ZNF746: variants seen among roughly 807,000 people sequenced by gnomAD.
The protein encoded by ZNF746 is zinc finger protein 746.
In ZNF746, 13 loss-of-function variants were observed where a neutral mutation model predicts 41.0. The ratio of observed to expected loss-of-function variants is 0.32; its 90% CI spans 0.21 to 0.50. The LOEUF is 0.50. Ranked by LOEUF, ZNF746 falls within the 20% of genes least tolerant of loss-of-function variation. The pLI is 0.98. For synonymous variants in ZNF746, 424 were observed against 396.2 expected, an observed-to-expected ratio of 1.07 and a Z score of -0.83; for missense variants, 811 against 922.9, an observed-to-expected ratio of 0.88 and a Z score of 1.57.
rs1327495824 is a variant in ZNF746, at chr7:149,482,749, G to A, written c.566-4994C>T. 2.0e-5 allele frequency among the ~76,000 whole-genome samples: 3 copies of A among 152,292 alleles called. No homozygotes were observed. In the East Asian group the frequency reaches 5.8e-4, roughly 29 times the overall value. On this transcript the variant is annotated intron_variant, in intron 4 of 6. Transcript: ENST00000458143. ...CAAAGTGTTAGGATTACAGGCGTGA[G>A]CCACTACACCCAGCCAATAACTCTA...
chr7:149,474,288 C>T lies in ZNF746; in HGVS notation c.*96G>A, dbSNP rs1193731304. On this transcript the variant is annotated 3_prime_UTR_variant, in exon 7 of 7. Transcript: ENST00000458143. This position sits in a 1 kb window ranked among gnomAD's most constrained non-coding sequence, Gnocchi z 6.3. ...AGCAACTTGGACATTTGGTTCTCCC[C>T]GTCCCGCGTCTGCCTGAAGCTTCCA... 2.1e-6 allele frequency: 3 copies of T among 1,409,872 alleles called. No individual in the cohort carries two copies. The highest frequency in any genetic ancestry group is 2.5e-5 in the East Asian group (1 of 40,316). 87.3% of individuals were successfully genotyped at this position (1,409,872 alleles called of 1,614,324 possible).
At chr7:149,488,306 G>A (rs1009854999) in intron 4 of ZNF746, 2 of 152,010 alleles carry the variant, frequency 1.3e-5, no homozygotes, top group Non-Finnish European at 2.9e-5. Context: ...AAAAAATAGA[G>A]AAGAGTATCT....
intron 1 of ZNF746, among the ~76,000 whole-genome samples, chr7:149,495,447 G>A (rs764791908): frequency 2.6e-5 from 4 of 152,180 alleles, no homozygotes; most frequent in African/African-American, 9.7e-5. Flanking sequence ...TTCACATGGC[G>A]TATCAGTGAC....
At chr7:149,493,838 A>G (rs1800892801) in intron 3 of ZNF746, 151 bp downstream of exon 3, 2 of 1,314,362 alleles carry the variant, frequency 1.5e-6, no homozygotes, top group African/African-American at 1.5e-5. Flanking sequence ...TCCATCACCC[A>G]GGGCTCATCC....
chr7:149,486,788 G>A lies in ZNF746; in HGVS notation c.565+6071C>T, dbSNP rs78791901. Among the ~76,000 whole-genome samples, 2,435 of 152,284 alleles carry A rather than the reference G, an allele frequency of 0.016. 127 individuals carry two copies. In the East Asian group the frequency reaches 0.19, roughly 12 times the overall value. ...GAAGGGGTGTGATCAGGGGAGGACG[G>A]GGGTCCAAGAGGTTCAAGCTGTGGT... is the stretch of plus-strand genomic sequence containing the variant. On this transcript the variant is annotated intron_variant, in intron 4 of 6. Transcript: ENST00000458143.
chr7:149,481,398 C>G (rs904984769), intron 4 of ZNF746, among the ~76,000 whole-genome samples: 1 of 152,140 alleles, frequency 6.6e-6, no homozygotes, highest in Non-Finnish European at 1.5e-5. Context: ...ATACCTAATA[C>G]GACGTAAATG....
chr7:149,494,822 C>T lies in ZNF746; in HGVS notation c.25-319G>A, dbSNP rs1800941592. ...GAACATGGTATTGCATCTTTTCATA[C>T]CACTGTCCTTGACACATGGCAGGTA... On this transcript the variant is annotated intron_variant, in intron 1 of 6. Transcript: ENST00000458143. This position sits in a 1 kb window ranked among gnomAD's most constrained non-coding sequence, Gnocchi z 5.6. 6.6e-6 allele frequency among the ~76,000 whole-genome samples: 1 copy of T among 151,994 alleles called. No homozygotes were observed. Among genetic ancestry groups the T allele is most frequent in the Non-Finnish European group, 1.5e-5 (1 of 68,000 alleles).
intron 1 of ZNF746, chr7:149,496,716 C>T (rs1387147158): frequency 1.6e-6 from 1 of 631,576 alleles, no homozygotes; most frequent in Non-Finnish European, 2.0e-6. Flanking sequence ...GAGCATCAGG[C>T]CAGGAGGGGT....
At chr7:149,480,423 TTTTGTTTGTTTG>T (rs59225315) in intron 4 of ZNF746, among the ~76,000 whole-genome samples, 2 of 151,410 alleles carry the variant, frequency 1.3e-5, no homozygotes, top group South Asian at 4.2e-4. Flanking sequence ...ATAACTGTTG[TTTTGTTTGTTTG>T]TTTGTTTGTT....
rs769730530 is a variant in ZNF746, at chr7:149,474,733, C to T, written c.1634G>A (p.Arg545His). 1.2e-6 allele frequency: 2 copies of T among 1,609,146 alleles called. No individual in the cohort carries two copies. Among genetic ancestry groups the T allele is most frequent in the African/African-American group, 1.3e-5 (1 of 74,862 alleles). The part of the protein sequence containing the change: ...FTRPAHLIRH[R>H]MLHTGERPFP... ...GGGCCGCTCGCCGGTGTGCAGCATG[C>T]GATGGCGGATGAGGTGCGCGGGGCG... is the stretch of plus-strand genomic sequence containing the variant. Residue 545 changes from arginine (R) to histidine (H), a missense_variant, in exon 7 of 7, where the codon CGC (arginine) becomes CAC (histidine). Physicochemically the swap from Arg to His is conservative, Grantham distance 29. This residue lies in a region of ZNF746 where 70 missense variants were observed against 127.6 expected (regional missense o/e 0.55). Coordinates refer to ENST00000458143, the MANE Select transcript of ZNF746 (RefSeq NM_001394198.1). The surrounding 1 kb of genome is among the most constrained non-coding windows in gnomAD (Gnocchi z 6.3).
Position 149,474,022 on chromosome 7 carries a change from A to C in ZNF746, c.*362T>G, listed in dbSNP as rs1800190238. Reference sequence around the variant, plus strand: ...CCAACACACTATCAGACTCAGTGAGATAGTGACAGAAATGCACGCCCTGAA... The same window carrying C: ...CCAACACACTATCAGACTCAGTGAGCTAGTGACAGAAATGCACGCCCTGAA... On this transcript the variant is annotated 3_prime_UTR_variant, in exon 7 of 7. Coordinates refer to ENST00000458143, the MANE Select transcript of ZNF746 (RefSeq NM_001394198.1). The surrounding 1 kb of genome is among the most constrained non-coding windows in gnomAD (Gnocchi z 6.3). 1 of 321,382 alleles carries C rather than the reference A, an allele frequency of 3.1e-6. No homozygotes were observed. The highest frequency in any genetic ancestry group is 4.7e-5 in the Admixed American group (1 of 21,176). The allele number at this position is 321,382 out of a possible 1,614,324, so 19.9% of individuals were successfully genotyped here. A position where few individuals can be genotyped will look rare whatever the true frequency, so the allele number is the denominator to read the frequency against.
chr7:149,489,281 A>T (rs1800725501), intron 4 of ZNF746: 1 of 149,330 alleles, frequency 6.7e-6, no homozygotes, highest in South Asian at 2.1e-4. Flanking sequence ...ACACGTTTTA[A>T]ATTTTGAAAC....
At position 149,483,327 on chromosome 7, in the gene ZNF746, CAG is replaced by C. The variant is rs750729962; in HGVS notation, c.566-5574_566-5573del. Among the ~76,000 whole-genome samples the C allele has an allele frequency of 3.9e-5, 6 of 152,134 alleles. No individual in the cohort carries two copies. In the South Asian group the frequency reaches 8.3e-4, roughly 21 times the overall value. The stretch of plus-strand genomic sequence containing the variant: ...TATGTTTATATTAAAAAAGATAACA[CAG>C]GGGCTGGGCGCAGTGGCTCACACCT... On this transcript the variant is annotated intron_variant, in intron 4 of 6. Coordinates refer to ENST00000458143, the MANE Select transcript of ZNF746 (RefSeq NM_001394198.1).
rs377365981 is a variant in ZNF746 at position 149,494,605 on chromosome 7, T to C, written c.25-102A>G. ...GGGGGAGTTGGGCTGGGAGTCCATA[T>C]GTGTGGACAAGTGGGGCTATCCTAT... On this transcript the variant is annotated intron_variant, in intron 1 of 6. Transcript: ENST00000458143. The surrounding 1 kb of genome is among the most constrained non-coding windows in gnomAD (Gnocchi z 5.6). The C allele has an allele frequency of 7.3e-6, 10 of 1,374,196 alleles. No homozygotes were observed. Among genetic ancestry groups the C allele is most frequent in the Middle Eastern group, 1.9e-4 (1 of 5,344 alleles). 85.1% of individuals were successfully genotyped at this position (1,374,196 alleles called of 1,614,324 possible). A position where few individuals can be genotyped will look rare whatever the true frequency, so the allele number is the denominator to read the frequency against.
rs1800943222 is a variant in ZNF746 at position 149,494,893 on chromosome 7, C to T, written c.25-390G>A. Among the ~76,000 whole-genome samples the T allele has an allele frequency of 1.3e-5, 2 of 151,950 alleles. No homozygotes were observed. The highest frequency in any genetic ancestry group is 1.3e-4 in the Admixed American group (2 of 15,256). On this transcript the variant is annotated intron_variant, in intron 1 of 6. Coordinates refer to ENST00000458143, the MANE Select transcript of ZNF746 (RefSeq NM_001394198.1). The surrounding 1 kb of genome is among the most constrained non-coding windows in gnomAD (Gnocchi z 5.6). ...TAAACAGTGACTTAGCATTGCTGGGCATTTTAGTGGAGAAATGGTAAACTG... is the reference window on the plus strand; with the variant it reads ...TAAACAGTGACTTAGCATTGCTGGGTATTTTAGTGGAGAAATGGTAAACTG...
intron 4 of ZNF746, chr7:149,490,459 A>G (rs1800763698): frequency 1.3e-5 from 2 of 152,390 alleles, no homozygotes; most frequent in African/African-American, 4.8e-5. Flanking sequence ...TACAATGAAC[A>G]AAACAGGGGC....
intron 3 of ZNF746, among the ~76,000 whole-genome samples, chr7:149,493,313 G>A (rs1365583130): frequency 1.3e-5 from 2 of 152,186 alleles, no homozygotes; most frequent in Non-Finnish European, 2.9e-5. Context: ...GCCACAGAGC[G>A]TGCACGTTAA....
At chr7:149,496,899 G>C (rs1456082596) in intron 1 of ZNF746, 1 of 985,374 alleles carries the variant, frequency 1.0e-6, no homozygotes. Flanking sequence ...TTTCCAGCTG[G>C]GTAAGCCTGG....
In ZNF746 at chr7:149,474,849, G is replaced by A. The variant is rs1800233589; in HGVS notation, c.1518C>T (p.Ser506=). 1.4e-6 allele frequency: 2 copies of A among 1,427,076 alleles called. No individual in the cohort carries two copies. The highest frequency in any genetic ancestry group is 9.1e-7 in the Non-Finnish European group (1 of 1,097,056). The allele number at this position is 1,427,076 out of a possible 1,614,324, so 88.4% of individuals were successfully genotyped here. A position where few individuals can be genotyped will look rare whatever the true frequency, so the allele number is the denominator to read the frequency against. The change falls in exon 7 of 7, where the codon AGC becomes AGT. Residue 506 remains serine (S), a synonymous_variant. Coordinates refer to ENST00000458143, the MANE Select transcript of ZNF746 (RefSeq NM_001394198.1). The surrounding 1 kb of genome is among the most constrained non-coding windows in gnomAD (Gnocchi z 6.3). ...TGCCGCCACCGCCGCCGCCACTGCC[G>A]CTGCCGCCACCGCCTGTGCCCGGGC... ...GSGPGTGGGG[S]GSGGGGGGSG... is the part of the protein sequence containing the mutation.
Sources: allele counts gnomAD v4.1 joint callset (sites outside exome capture counted in the v4.1 genomes callset), GRCh38; gene constraint gnomAD v4.1.1; regional missense constraint gnomAD v4.1.1; non-coding constraint Gnocchi (gnomAD v3.1); transcripts MANE v1.5; gene names NCBI Gene and HGNC (gene_info 2026-07-23, HGNC 2026-07-21).